THEMIS: variants seen among roughly 807,000 people sequenced by gnomAD.
THEMIS encodes the protein thymocyte selection associated, also known as protein THEMIS.
A neutral mutation model predicts 52.6 loss-of-function variants in THEMIS; 37 were observed. The observed-to-expected ratio is 0.70, with a 90% CI of 0.54 to 0.93. The LOEUF (loss-of-function observed/expected upper bound fraction) is 0.93, where lower values mean the gene tolerates loss of function less well. Among genes scored for constraint, THEMIS ranks in the 40% least tolerant of loss-of-function variants. THEMIS has a pLI of 0.00. For missense variants in THEMIS, 808 were observed against 763.1 expected, an observed-to-expected ratio of 1.06 and a Z score of -0.69; for synonymous variants, 292 against 272.7, an observed-to-expected ratio of 1.07 and a Z score of -0.70.
chr6:127,741,567 C>T (rs541458514), intron 4 of THEMIS, among the ~76,000 whole-genome samples: 42 of 152,298 alleles, frequency 2.8e-4, no homozygotes, highest in South Asian at 1.0e-3. Flanking sequence ...AAAATCCAGA[C>T]GCACAGCAGA....
chr6:127,878,693 A>G (rs1780388294), intron 1 of THEMIS, among the ~76,000 whole-genome samples: 1 of 152,196 alleles, frequency 6.6e-6, no homozygotes, highest in African/African-American at 2.4e-5. Context: ...GTGACTCTTA[A>G]TAAATAAGAT....
intron 4 of THEMIS, among the ~76,000 whole-genome samples, chr6:127,748,790 A>T (rs1157610954): frequency 6.6e-6 from 1 of 152,068 alleles, no homozygotes; most frequent in Non-Finnish European, 1.5e-5. Context: ...CAGAAACTCA[A>T]TTTCCAGGTT....
At chr6:127,850,542 A>G (rs1779385747) in intron 2 of THEMIS, among the ~76,000 whole-genome samples, 1 of 151,944 alleles carries the variant, frequency 6.6e-6, no homozygotes, top group South Asian at 2.1e-4. Flanking sequence ...ACACCATGGA[A>G]TATTACTCAT....
At position 127,709,906 on chromosome 6, in the gene THEMIS, G is replaced by T; in HGVS notation, c.*79C>A. ...TTCTGGAGTCCATTGGGGAATACTC[G>T]TTTTTCAGCTAGAAGGCTAGCTTCT... On this transcript the variant is annotated 3_prime_UTR_variant, in exon 6 of 6. Transcript: ENST00000368248. 2 of 1,337,878 alleles carry T rather than the reference G, an allele frequency of 1.5e-6. No homozygotes were observed. The highest frequency in any genetic ancestry group is 2.4e-5 in the East Asian group (1 of 42,266). The allele number at this position is 1,337,878 out of a possible 1,614,324, so 82.9% of individuals were successfully genotyped here. A position where few individuals can be genotyped will look rare whatever the true frequency, so the allele number is the denominator to read the frequency against.
intron 4 of THEMIS, among the ~76,000 whole-genome samples, chr6:127,740,629 C>T (rs975912021): frequency 6.6e-6 from 1 of 152,042 alleles, no homozygotes; most frequent in African/African-American, 2.4e-5. Context: ...ACGTAAATAA[C>T]GGCCATTTTT....
chr6:127,795,864 T>C (rs1263985553), intron 4 of THEMIS, among the ~76,000 whole-genome samples: 5 of 152,200 alleles, frequency 3.3e-5, no homozygotes, highest in Non-Finnish European at 7.4e-5. Context: ...TAACTGATAC[T>C]GGTTTAAGAC....
intron 5 of THEMIS, among the ~76,000 whole-genome samples, chr6:127,717,814 T>C (rs969176137): frequency 7.6e-6 from 1 of 130,956 alleles, no homozygotes; most frequent in Non-Finnish European, 1.8e-5. Context: ...ACCCCTATCT[T>C]AATTAGGCTT....
chr6:127,719,524 G>A (rs944413178), intron 5 of THEMIS, among the ~76,000 whole-genome samples, 164 bp downstream of exon 5: 1 of 151,892 alleles, frequency 6.6e-6, no homozygotes, highest in Non-Finnish European at 1.5e-5. Context: ...TCAATATCAT[G>A]CTTCACATAA....
At chr6:127,882,205 T>C (rs9402001) in intron 1 of THEMIS, among the ~76,000 whole-genome samples, 19,517 of 151,732 alleles carry the variant, frequency 0.13, 1,682 homozygotes, top group East Asian at 0.38. Context: ...ACAGCCATTC[T>C]GTTTTTCATT....
At chr6:127,852,534 C>T (rs1290560859) in intron 2 of THEMIS, among the ~76,000 whole-genome samples, 1 of 151,314 alleles carries the variant, frequency 6.6e-6, no homozygotes, top group Non-Finnish European at 1.5e-5. Context: ...TGTCATCTGA[C>T]TATAATAGAA....
chr6:127,918,102 G>T (rs1416628444), intron 1 of THEMIS, among the ~76,000 whole-genome samples: 1 of 152,062 alleles, frequency 6.6e-6, no homozygotes, highest in Non-Finnish European at 1.5e-5. Context: ...TATATTCTTG[G>T]ATAGGTCCTA....
chr6:127,847,738 C>T (rs1283760577), intron 2 of THEMIS, among the ~76,000 whole-genome samples: 1 of 151,574 alleles, frequency 6.6e-6, no homozygotes, highest in Non-Finnish European at 1.5e-5. Flanking sequence ...TCTACGGATT[C>T]AATGCAATTC....
intron 4 of THEMIS, among the ~76,000 whole-genome samples, chr6:127,782,158 A>T (rs1312399579): frequency 2.0e-5 from 3 of 152,140 alleles, no homozygotes; most frequent in Non-Finnish European, 2.9e-5. Context: ...TGCACCAAGT[A>T]CAAGCTCCCA....
chr6:127,829,904 G>A lies in THEMIS; in HGVS notation c.281C>T (p.Pro94Leu), dbSNP rs1778643324. 1.2e-6 allele frequency: 2 copies of A among 1,612,466 alleles called. No homozygotes were observed. Among genetic ancestry groups the A allele is most frequent in the African/African-American group, 2.7e-5 (2 of 74,760 alleles). Residue 94 changes from proline to leucine, a missense_variant, in exon 3 of 6, where the codon CCA (proline) becomes CTA (leucine). By Grantham distance (98) the Pro-to-Leu change is moderately conservative. Coordinates refer to ENST00000368248, the MANE Select transcript of THEMIS (RefSeq NM_001010923.3). ...TGTGATTTCTTCCATAGTAAGGTAT[G>A]GAGTTTTATCAGCCACAATCTTAAA... Reference protein sequence around the residue: ...GLFKIVADKTPYLTMEEITRT... With the variant: ...GLFKIVADKTLYLTMEEITRT...
intron 4 of THEMIS, among the ~76,000 whole-genome samples, chr6:127,770,774 T>C (rs1050444635): frequency 6.6e-6 from 1 of 152,232 alleles, no homozygotes; most frequent in Non-Finnish European, 1.5e-5. Flanking sequence ...AAGTCTTTAA[T>C]CCATCTTGAA....
chr6:127,823,583 C>A lies in THEMIS; in HGVS notation c.709+5893G>T, dbSNP rs923163195. ...CTCTATCTCAAGCACTGAGAAGATA[C>A]AAATACATACATAAGAAATTAATGT... is the stretch of plus-strand genomic sequence containing the variant. On this transcript the variant is annotated intron_variant, in intron 3 of 5. Coordinates refer to ENST00000368248, the MANE Select transcript of THEMIS (RefSeq NM_001010923.3). Among the ~76,000 whole-genome samples the A allele has an allele frequency of 2.6e-5, 4 of 152,132 alleles. No individual in the cohort carries two copies. In the East Asian group the frequency reaches 7.7e-4, roughly 29 times the overall value.
chr6:127,697,428 T>C, the THEMIS span, among the ~76,000 whole-genome samples: 2 of 152,136 alleles, frequency 1.3e-5, 1 homozygote, highest in Admixed American at 1.3e-4. Flanking sequence ...CTCACGTATA[T>C]TGTACCCTCA....
rs552210526 is a variant in THEMIS, at chr6:127,907,753, C to G, written c.-149-6672G>C. ...TCATAGTACACCCACCAAAAATGTT[C>G]CCAGTGCCATAAATGGCTTCCATTT... On this transcript the variant is annotated intron_variant, in intron 1 of 6. Coordinates refer to the THEMIS transcript ENST00000368250. Among the ~76,000 whole-genome samples the G allele has an allele frequency of 2.0e-5, 3 of 152,106 alleles. No homozygotes were observed. The South Asian group carries it at 6.2e-4, about 32-fold the overall frequency.
At chr6:127,734,868 CAAAAAAAAAAAAAAA>C (rs1197660495) in intron 4 of THEMIS, among the ~76,000 whole-genome samples, 2 of 32,954 alleles carry the variant, frequency 6.1e-5, no homozygotes, top group South Asian at 3.4e-3. Context: ...GGCTCTGTCT[CAAAAAAAAAAAAAAA>C]AAAAAAAAAA....
Sources: gnomAD v4.1 joint callset for allele counts (sites outside exome capture counted in the v4.1 genomes callset) on GRCh38, gnomAD v4.1.1 for gene constraint, MANE v1.5 for transcripts, NCBI Gene and HGNC (gene_info 2026-07-23, HGNC 2026-07-21) for gene names.